TEAD4: variants seen among roughly 807,000 people sequenced by gnomAD.
TEAD4 encodes TEA domain transcription factor 4.
TEAD4 carries 36 observed loss-of-function variants against 52.4 expected under a neutral mutation model. The observed-to-expected ratio is 0.69, with a 90% CI of 0.53 to 0.91. The LOEUF is 0.91. Ranked by LOEUF, TEAD4 falls within the 40% of genes least tolerant of loss-of-function variation. TEAD4 has a pLI of 0.00. For missense variants in TEAD4, 508 were observed against 583.9 expected (o/e 0.87, Z 1.34); for synonymous variants, 220 against 231.0 (o/e 0.95, Z 0.43).
intron 3 of TEAD4, among the ~76,000 whole-genome samples, chr12:3,003,083 G>C (rs1251619877): frequency 1.3e-5 from 2 of 152,118 alleles, no homozygotes; most frequent in Admixed American, 1.3e-4. Flanking sequence ...TTAGGGTGGG[G>C]CAGCAAGGAT....
intron 10 of TEAD4, among the ~76,000 whole-genome samples, chr12:3,034,810 T>C (rs2098278306): frequency 1.3e-5 from 2 of 152,120 alleles, no homozygotes; most frequent in East Asian, 1.9e-4. Context: ...AAAATAGTTA[T>C]AGGCCAGACG....
At chr12:3,019,292 G>A (rs1565545921) in intron 8 of TEAD4, 122 bp downstream of exon 8, 2 of 1,098,658 alleles carry the variant, frequency 1.8e-6, no homozygotes, top group Non-Finnish European at 2.7e-6. Flanking sequence ...CATGCACACT[G>A]ACCACACGTC....
rs1349234091 is a variant in TEAD4, at chr12:2,976,023, T to G, written c.-30+15983T>G. ...TTCATAGCTCATTTTTTTTTTTTTT[T>G]GAGACAAAGTCTTGCTCTGTCACCC... On this transcript the variant is annotated intron_variant, in intron 2 of 12. Transcript: ENST00000359864. 8.6e-5 allele frequency among the ~76,000 whole-genome samples: 10 copies of G among 116,196 alleles called. No individual in the cohort carries two copies. The East Asian group carries it at 2.5e-3, about 29-fold the overall frequency. The allele number at this position is 116,196 out of a possible 152,430, so 76.2% of individuals were successfully genotyped here. A position where few individuals can be genotyped will look rare whatever the true frequency, so the allele number is the denominator to read the frequency against.
Position 3,037,868 on chromosome 12 carries a change from C to T in TEAD4, c.898-100C>T. 2.1e-6 allele frequency: 3 copies of T among 1,428,172 alleles called. No individual in the cohort carries two copies. In the South Asian group the frequency reaches 4.3e-5, roughly 20 times the overall value. 88.5% of individuals were successfully genotyped at this position (1,428,172 alleles called of 1,614,324 possible). ...GTCTACCCTCAGTCTGATTTCTTCC[C>T]AGCCCTAGAGCCGGGACCGGGACCC... On this transcript the variant is annotated intron_variant, in intron 10 of 12. Transcript: ENST00000359864.
At chr12:3,013,301 T>C (rs2098261879) in intron 5 of TEAD4, among the ~76,000 whole-genome samples, 1 of 151,648 alleles carries the variant, frequency 6.6e-6, no homozygotes, top group Non-Finnish European at 1.5e-5. Flanking sequence ...CCTTTTCTTT[T>C]CTTCCCCCAA....
chr12:3,037,092 G>A (rs1396727151), intron 10 of TEAD4, among the ~76,000 whole-genome samples: 3 of 152,210 alleles, frequency 2.0e-5, no homozygotes, highest in Admixed American at 6.5e-5. Flanking sequence ...AGGCCCCCTG[G>A]GCTCTGTTTT....
intron 2 of TEAD4, among the ~76,000 whole-genome samples, chr12:2,987,731 C>T (rs942636643): frequency 6.7e-5 from 10 of 150,114 alleles, no homozygotes; most frequent in Admixed American, 4.0e-4. Context: ...CTGGAATCAG[C>T]TTGTTAAGCT....
intron 5 of TEAD4, chr12:3,017,068 T>G (rs975616038): frequency 2.0e-6 from 1 of 490,884 alleles, no homozygotes; most frequent in Non-Finnish European, 4.0e-6. Flanking sequence ...ACAAGACAGG[T>G]GCTGAGCTAG....
chr12:3,006,678 C>T (rs60581590), intron 3 of TEAD4, among the ~76,000 whole-genome samples: 9,666 of 151,154 alleles, frequency 0.064, 607 homozygotes, highest in African/African-American at 0.16. Context: ...AGCGAAACTC[C>T]GTCTCAAAAA....
In TEAD4 at chr12:3,040,475, A is replaced by G. The variant is rs2098282090; in HGVS notation, c.1302A>G (p.Glu434=). The G allele has an allele frequency of 4.3e-6, 7 of 1,613,890 alleles. No homozygotes were observed. The highest frequency in any genetic ancestry group is 1.3e-5 in the African/African-American group (1 of 75,012). ...ACCACATCTACAGGCTGGTGAAAGA[A>G]TGAGAGACTCGGGGAGCAGGGAGGG... The change falls in exon 13 of 13, where the codon GAA becomes GAG. Residue 434 remains glutamate, a synonymous_variant. Transcript: ENST00000359864.
chr12:2,996,806 C>T (rs1195568804), intron 3 of TEAD4, among the ~76,000 whole-genome samples: 1 of 152,174 alleles, frequency 6.6e-6, no homozygotes, highest in South Asian at 2.1e-4. Context: ...GCCTCCGCCC[C>T]GTGGGTTAAA....
At chr12:3,031,030 G>A (rs183616116) in intron 10 of TEAD4, among the ~76,000 whole-genome samples, 7 of 152,314 alleles carry the variant, frequency 4.6e-5, no homozygotes, top group African/African-American at 1.7e-4. Flanking sequence ...GACCTCGGCC[G>A]AGAGGCTGGC....
In TEAD4 at chr12:2,994,934, C is replaced by CATCT; in HGVS notation, c.170_173dup (p.Pro59LeufsTer66). 1 of 1,614,172 alleles carries CATCT rather than the reference C, an allele frequency of 6.2e-7. No individual in the cohort carries two copies. The highest frequency in any genetic ancestry group is 2.2e-5 in the East Asian group (1 of 44,858). On this transcript the variant is annotated frameshift_variant, in exon 3 of 13. Transcript: ENST00000359864. LOFTEE classifies it high-confidence loss of function. This position sits in a 1 kb window ranked among gnomAD's most constrained non-coding sequence, Gnocchi z 4.7. The stretch of plus-strand genomic sequence containing the variant: ...AGCAGAGTTTCCAGGAGGCCCTCGC[C>CATCT]ATCTACCCGCCCTGTGGCAGGCGCA...
At chr12:2,987,774 A>G (rs761685951) in intron 2 of TEAD4, among the ~76,000 whole-genome samples, 1 of 151,532 alleles carries the variant, frequency 6.6e-6, no homozygotes, top group Non-Finnish European at 1.5e-5. Context: ...TTTTAAAATC[A>G]CAATTTCAGG....
intron 2 of TEAD4, among the ~76,000 whole-genome samples, chr12:2,976,842 C>A (rs1198683560): frequency 6.6e-6 from 1 of 152,144 alleles, no homozygotes; most frequent in Non-Finnish European, 1.5e-5. Flanking sequence ...TGGGCTGGGG[C>A]CTGCAGCATT....
chr12:3,023,026 C>T (rs1311680311), intron 10 of TEAD4, among the ~76,000 whole-genome samples: 4 of 152,332 alleles, frequency 2.6e-5, no homozygotes, highest in Admixed American at 2.0e-4. Context: ...GATGGCTTGC[C>T]GGCTCCCGGT....
intron 10 of TEAD4, among the ~76,000 whole-genome samples, chr12:3,035,984 G>A (rs2098279183): frequency 1.3e-5 from 2 of 152,060 alleles, no homozygotes; most frequent in African/African-American, 4.8e-5. Flanking sequence ...GCCATCCTGG[G>A]CACCCTGCCT....
In TEAD4 at chr12:3,006,136, G is replaced by A. The variant is rs78341457; in HGVS notation, c.227-4868G>A. On this transcript the variant is annotated intron_variant, in intron 3 of 12. Transcript: ENST00000359864. ...TATACGTATATCATAACATCACTTTGTACCCCATAAATACAGGTTGAGCAT... is the reference window on the plus strand; with the variant it reads ...TATACGTATATCATAACATCACTTTATACCCCATAAATACAGGTTGAGCAT... 1.0e-3 allele frequency among the ~76,000 whole-genome samples: 154 copies of A among 152,148 alleles called. No homozygotes were observed. The East Asian group carries it at 0.015, about 15-fold the overall frequency.
At chr12:3,014,497 C>T (rs530049676) in intron 5 of TEAD4, among the ~76,000 whole-genome samples, 1 of 152,322 alleles carries the variant, frequency 6.6e-6, no homozygotes, top group African/African-American at 2.4e-5. Flanking sequence ...GTCATATTCT[C>T]AAAGGATCTA....
Sources: gnomAD v4.1 joint callset for allele counts (sites outside exome capture counted in the v4.1 genomes callset) on GRCh38, gnomAD v4.1.1 for gene constraint, Gnocchi (gnomAD v3.1) non-coding constraint, MANE v1.5 for transcripts, NCBI Gene and HGNC (gene_info 2026-07-23, HGNC 2026-07-21) for gene names.